The following ATP8B4 variants were observed in gnomAD, a reference collection of about 807,000 sequenced individuals.
The protein encoded by ATP8B4 is probable phospholipid-transporting ATPase IM.
Under a neutral mutation model 145.6 loss-of-function variants are expected in ATP8B4, and 133 were observed. The observed-to-expected ratio is 0.91, with a 90% CI of 0.79 to 1.05. ATP8B4 has a LOEUF of 1.05. ATP8B4 is among the 50% of genes least tolerant of loss of function. ATP8B4 has a pLI of 0.00. For missense variants in ATP8B4, 1,458 were observed against 1,425.2 expected, an observed-to-expected ratio of 1.02 and a Z score of -0.37; for synonymous variants, 507 against 492.9, an observed-to-expected ratio of 1.03 and a Z score of -0.38.
intron 13 of ATP8B4, among the ~76,000 whole-genome samples, chr15:49,965,897 T>C (rs886859473): frequency 6.6e-6 from 1 of 152,056 alleles, no homozygotes; most frequent in Admixed American, 6.5e-5. Context: ...GGGAGGCAAT[T>C]CTGCATTTCC....
intron 20 of ATP8B4, among the ~76,000 whole-genome samples, chr15:49,909,575 G>C (rs2039009661): frequency 6.6e-6 from 1 of 151,836 alleles, no homozygotes; most frequent in African/African-American, 2.4e-5. Flanking sequence ...CCAAAGACAG[G>C]CAGGCTCAGC....
intron 3 of ATP8B4, among the ~76,000 whole-genome samples, chr15:50,055,574 A>G (rs2052535221): frequency 6.6e-6 from 1 of 152,168 alleles, no homozygotes. Flanking sequence ...TTGATGAAAC[A>G]TTTGTACATC....
chr15:49,937,078 T>C (rs1192479061), intron 14 of ATP8B4, among the ~76,000 whole-genome samples: 2 of 152,210 alleles, frequency 1.3e-5, no homozygotes, highest in African/African-American at 2.4e-5. Context: ...GGTTCTGTTC[T>C]ATTTTCTTAA....
intron 17 of ATP8B4, among the ~76,000 whole-genome samples, chr15:49,921,591 T>A (rs1322612415): frequency 6.6e-6 from 1 of 152,222 alleles, no homozygotes; most frequent in Non-Finnish European, 1.5e-5. Context: ...AGCATTTTTA[T>A]GGCCATTTCT....
intron 7 of ATP8B4, among the ~76,000 whole-genome samples, chr15:50,003,103 A>G (rs1400315431): frequency 1.3e-5 from 2 of 152,208 alleles, no homozygotes; most frequent in Non-Finnish European, 2.9e-5. Context: ...ACAATTTTCT[A>G]GCTATGTCTG....
intron 2 of ATP8B4, among the ~76,000 whole-genome samples, chr15:50,090,657 GTGAA>G (rs1056817902): frequency 6.6e-6 from 1 of 152,266 alleles, no homozygotes; most frequent in African/African-American, 2.4e-5. Context: ...TTTTAAAAAA[GTGAA>G]TGAATGAATG....
chr15:49,874,477 C>A (rs2034100374), intron 25 of ATP8B4, among the ~76,000 whole-genome samples: 1 of 152,090 alleles, frequency 6.6e-6, no homozygotes, highest in Non-Finnish European at 1.5e-5. Flanking sequence ...TGGCTAGGAC[C>A]ACTATTGTCC....
chr15:50,132,057 C>T (rs994757409), intron 1 of ATP8B4, among the ~76,000 whole-genome samples: 9 of 151,886 alleles, frequency 5.9e-5, no homozygotes, highest in Non-Finnish European at 1.0e-4. Context: ...AGTACTCACA[C>T]ACACACTATA....
intron 1 of ATP8B4, among the ~76,000 whole-genome samples, chr15:50,165,489 G>C (rs970647548): frequency 6.6e-6 from 1 of 152,074 alleles, no homozygotes; most frequent in African/African-American, 2.4e-5. Context: ...GATGGTGGGG[G>C]CAATCACTGG....
intron 14 of ATP8B4, among the ~76,000 whole-genome samples, chr15:49,960,158 G>T (rs2043942238): frequency 6.6e-6 from 1 of 151,730 alleles, no homozygotes; most frequent in African/African-American, 2.4e-5. Flanking sequence ...CTCCCAAGTA[G>T]CTGGGACTAT....
At chr15:50,019,588 G>T (rs1410001846) in intron 6 of ATP8B4, among the ~76,000 whole-genome samples, 2 of 152,162 alleles carry the variant, frequency 1.3e-5, no homozygotes, top group South Asian at 2.1e-4. Context: ...TTCTGATTTT[G>T]ATTTCAAGTC....
intron 23 of ATP8B4, among the ~76,000 whole-genome samples, chr15:49,894,646 T>C (rs1164345974): frequency 6.6e-6 from 1 of 152,152 alleles, no homozygotes; most frequent in Non-Finnish European, 1.5e-5. Context: ...TGAAATCAGT[T>C]CCATAACCGC....
intron 17 of ATP8B4, among the ~76,000 whole-genome samples, chr15:49,922,915 G>T (rs1246293096): frequency 6.6e-6 from 1 of 152,160 alleles, no homozygotes; most frequent in Non-Finnish European, 1.5e-5. Context: ...AGAGGAGAAA[G>T]TGTGCACCAG....
At chr15:50,050,457 T>C (rs1373530318) in intron 3 of ATP8B4, among the ~76,000 whole-genome samples, 3 of 152,220 alleles carry the variant, frequency 2.0e-5, no homozygotes. Flanking sequence ...AAAATATTTA[T>C]GTATACATCT....
intron 16 of ATP8B4, among the ~76,000 whole-genome samples, chr15:49,930,855 A>G (rs572864936): frequency 6.6e-6 from 1 of 152,050 alleles, no homozygotes; most frequent in Non-Finnish European, 1.5e-5. Context: ...GTTTATTTTT[A>G]AAATTTTTTT....
intron 8 of ATP8B4, among the ~76,000 whole-genome samples, chr15:49,998,845 T>C: frequency 6.6e-6 from 1 of 152,170 alleles, no homozygotes; most frequent in Non-Finnish European, 1.5e-5. Flanking sequence ...AATGCTTAGG[T>C]TTTCTTCTAG....
chr15:49,999,053 T>C (rs2047670881), intron 8 of ATP8B4, among the ~76,000 whole-genome samples: 1 of 152,148 alleles, frequency 6.6e-6, no homozygotes, highest in East Asian at 1.9e-4. Context: ...TAGTTGTAGA[T>C]AAATCATGCT....
chr15:49,966,838 C>A (rs140508630), intron 13 of ATP8B4, among the ~76,000 whole-genome samples: 3 of 152,306 alleles, frequency 2.0e-5, no homozygotes, highest in Admixed American at 6.5e-5. Context: ...CATCTCCCAG[C>A]GGAGGTCGAC....
At chr15:49,968,405 C>A (rs962783118) in intron 13 of ATP8B4, among the ~76,000 whole-genome samples, 5 of 127,910 alleles carry the variant, frequency 3.9e-5, no homozygotes, top group Non-Finnish European at 8.1e-5. Flanking sequence ...CACACATAGG[C>A]TCAAAATAAA....
Sources: gnomAD v4.1 joint callset for allele counts (sites outside exome capture counted in the v4.1 genomes callset) on GRCh38, gnomAD v4.1.1 for gene constraint, MANE v1.5 for transcripts, NCBI Gene and HGNC (gene_info 2026-07-23, HGNC 2026-07-21) for gene names.